Variants in PRH1 observed in about 807,000 individuals in gnomAD.
PRH1 encodes the protein proline rich protein HaeIII subfamily 1, also known as salivary acidic proline-rich phosphoprotein 1/2.
Under a neutral mutation model 7.9 loss-of-function variants are expected in PRH1, and 7 were observed. The observed-to-expected ratio is 0.89, with a 90% CI of 0.50 to 1.67. The LOEUF is 1.67. Ranked by LOEUF, PRH1 falls within the 40% of genes most tolerant of loss-of-function variation. PRH1 has a pLI of 0.00. For synonymous variants in PRH1, 45 were observed against 80.8 expected, an observed-to-expected ratio of 0.56 and a Z score of 2.38; for missense variants, 109 against 223.6, an observed-to-expected ratio of 0.49 and a Z score of 3.27.
chr12:11,047,901 A>C (rs148471472), upstream of PRH1, among the ~76,000 whole-genome samples: 1,185 of 152,368 alleles, frequency 7.8e-3, 22 homozygotes, highest in African/African-American at 0.027. Context: ...AAAAAATTAG[A>C]GGTTCAAACA....
chr12:11,111,106 T>C (rs1945577686), intron 1 of PRH1, among the ~76,000 whole-genome samples: 2 of 152,166 alleles, frequency 1.3e-5, no homozygotes, highest in South Asian at 4.1e-4. Context: ...GAGCTAACTA[T>C]CCTAAATATA....
chr12:11,133,978 T>C (rs774101236), intron 1 of PRH1: 5 of 1,613,990 alleles, frequency 3.1e-6, no homozygotes, highest in Non-Finnish European at 4.2e-6. Flanking sequence ...GGTTGGTTAC[T>C]GCCCAGACAT....
At chr12:10,949,322 G>A (rs1046717243) in intron 2 of PRH1, among the ~76,000 whole-genome samples, 1 of 152,180 alleles carries the variant, frequency 6.6e-6, no homozygotes, top group East Asian at 1.9e-4. Flanking sequence ...ACTGCATCTT[G>A]TTGGAGGTAT....
chr12:11,031,778 T>A (rs887088367), intron 1 of PRH1, among the ~76,000 whole-genome samples: 3 of 152,120 alleles, frequency 2.0e-5, no homozygotes, highest in South Asian at 2.1e-4. Context: ...CAGTGCACTG[T>A]TTGGTGCATT....
chr12:10,929,331 G>T (rs1130404), intron 2 of PRH1: 3 of 1,614,148 alleles, frequency 1.9e-6, no homozygotes, highest in Non-Finnish European at 2.5e-6. Flanking sequence ...TCAGGACTTA[G>T]ATGAAGGTAA....
chr12:11,061,398 G>A (rs557044065), intron 1 of PRH1: 1 of 1,613,834 alleles, frequency 6.2e-7, no homozygotes. Context: ...CTTTCACCCA[G>A]TACCTCACAT....
chr12:11,160,918 C>T (rs1243753036), intron 1 of PRH1, among the ~76,000 whole-genome samples: 1 of 152,178 alleles, frequency 6.6e-6, no homozygotes, highest in Non-Finnish European at 1.5e-5. Flanking sequence ...ATTTGTATGG[C>T]TATTTTAAGC....
At chr12:11,106,008 C>T (rs533916328) in intron 1 of PRH1, among the ~76,000 whole-genome samples, 2 of 50,388 alleles carry the variant, frequency 4.0e-5, no homozygotes, top group South Asian at 3.8e-4. Flanking sequence ...TGGTGCTATC[C>T]CGGCTCACTG....
chr12:10,932,126 A>G, intron 2 of PRH1: 1 of 343,176 alleles, frequency 2.9e-6, no homozygotes, highest in Non-Finnish European at 6.5e-6. Flanking sequence ...TAGAGGGCAA[A>G]AGGATGGTTT....
intron 1 of PRH1, among the ~76,000 whole-genome samples, chr12:11,131,089 TG>T (rs1946327144): frequency 6.6e-6 from 1 of 152,184 alleles, no homozygotes; most frequent in Non-Finnish European, 1.5e-5. Flanking sequence ...AGGGACTGGA[TG>T]ATGTAAGACA....
At chr12:11,091,073 CAATGTT>C (rs1367317034) in intron 1 of PRH1, among the ~76,000 whole-genome samples, 1 of 72,442 alleles carries the variant, frequency 1.4e-5, no homozygotes, top group African/African-American at 4.1e-5. Context: ...ATGTTGTTGT[CAATGTT>C]AAGTTTTCAT....
intron 1 of PRH1, among the ~76,000 whole-genome samples, chr12:11,068,015 T>C (rs1200385809): frequency 6.9e-6 from 1 of 144,332 alleles, no homozygotes; most frequent in Non-Finnish European, 1.5e-5. Flanking sequence ...ATTTTATGTT[T>C]CTGCTTTTTT....
At chr12:11,133,256 T>C (rs369212126) in intron 1 of PRH1, 63 of 1,557,280 alleles carry the variant, frequency 4.0e-5, no homozygotes, top group Non-Finnish European at 5.4e-5. Flanking sequence ...AAATATAAAA[T>C]GTTTCATACA....
At chr12:11,171,571 A>G, upstream of PRH1, 1 of 1,231,878 alleles carries the variant, frequency 8.1e-7, no homozygotes, top group South Asian at 4.1e-5. Context: ...TAGAGCCATG[A>G]CTAAGCTAAC....
intron 1 of PRH1, among the ~76,000 whole-genome samples, chr12:11,015,459 G>A (rs750636941): frequency 1.3e-4 from 19 of 151,744 alleles, no homozygotes; most frequent in African/African-American, 3.1e-4. Context: ...CTCTTTTTCC[G>A]CCTTATGCCC....
chr12:10,928,050 TTAAA>T (rs1245943073), intron 2 of PRH1, among the ~76,000 whole-genome samples: 4 of 152,048 alleles, frequency 2.6e-5, no homozygotes, highest in African/African-American at 9.7e-5. Context: ...GCTTAGAAGA[TTAAA>T]TAAATGTCAT....
chr12:10,952,124 C>T (rs115714890), intron 2 of PRH1, among the ~76,000 whole-genome samples: 3,009 of 152,228 alleles, frequency 0.02, 34 homozygotes, highest in South Asian at 0.031. Flanking sequence ...GGTTCAGGCA[C>T]GAAACAAGGA....
chr12:11,091,113 C>CATATATATATATATATATAT (rs1447599116), intron 1 of PRH1, among the ~76,000 whole-genome samples: 11 of 5,662 alleles, frequency 1.9e-3, no homozygotes, highest in African/African-American at 2.9e-3. Flanking sequence ...CACACACACA[C>CATATATATATATATATATAT]ACATATATAT....
At chr12:11,061,171 C>T (rs1943583039) in intron 1 of PRH1, among the ~76,000 whole-genome samples, 1 of 144,824 alleles carries the variant, frequency 6.9e-6, no homozygotes, top group Admixed American at 7.1e-5. Flanking sequence ...GTTTTTCATA[C>T]AAACATACAC....
Sources: allele counts gnomAD v4.1 joint callset (sites outside exome capture counted in the v4.1 genomes callset), GRCh38; gene constraint gnomAD v4.1.1; transcripts MANE v1.5; gene names NCBI Gene and HGNC (gene_info 2026-07-23, HGNC 2026-07-21).